The following WDR35 variants were observed in gnomAD, a reference collection of about 807,000 sequenced individuals.
WDR35 encodes WD repeat-containing protein 35.
A neutral mutation model predicts 158.3 loss-of-function variants in WDR35; 118 were observed. That is an observed-to-expected ratio of 0.75 (90% CI 0.64 to 0.87). The LOEUF (loss-of-function observed/expected upper bound fraction) is 0.87, where lower values mean the gene tolerates loss of function less well. Among genes scored for constraint, WDR35 ranks in the 40% least tolerant of loss-of-function variants. The probability of loss-of-function intolerance (pLI) is 0.00; values close to 1 mark genes in which losing one functional copy is unlikely to be tolerated. For synonymous variants in WDR35, 448 were observed against 476.1 expected (o/e 0.94, Z 0.77); for missense variants, 1,263 against 1,405.8 (o/e 0.90, Z 1.62).
intron 5 of WDR35, among the ~76,000 whole-genome samples, chr2:19,977,230 T>G (rs543890620): frequency 6.6e-6 from 1 of 152,336 alleles, no homozygotes; most frequent in African/African-American, 2.4e-5. Flanking sequence ...TTCCCAAAAT[T>G]TTGTGTTCAG....
intron 23 of WDR35, among the ~76,000 whole-genome samples, chr2:19,931,686 TAAAG>T (rs1344854674): frequency 6.6e-6 from 1 of 152,118 alleles, no homozygotes. Context: ...TAAATCAGAA[TAAAG>T]AAAGTATTGA....
Position 19,913,412 on chromosome 2 carries a change from C to T in WDR35, c.*146G>A. 2.1e-6 allele frequency: 2 copies of T among 964,814 alleles called. No individual in the cohort carries two copies. Among genetic ancestry groups the T allele is most frequent in the Non-Finnish European group, 1.5e-6 (1 of 659,082 alleles). 59.8% of individuals were successfully genotyped at this position (964,814 alleles called of 1,614,324 possible). On this transcript the variant is annotated 3_prime_UTR_variant, in exon 27 of 27. Transcript: ENST00000281405. ...ATTGCCATAAAAATTATTTTATTAA[C>T]ATATATTTTGTGCAAAAATTCAACT...
intron 15 of WDR35, 121 bp downstream of exon 15, chr2:19,946,340 G>T: frequency 1.1e-6 from 1 of 896,172 alleles, no homozygotes. Flanking sequence ...AAACCATACT[G>T]AATTTTAAGA....
rs775291530 is a variant in WDR35, at chr2:19,953,896, T to G, written c.1338A>C (p.Ala446=). ...EAFYTWQYRV[A]KKLTALEINQ... is the part of the protein sequence containing the mutation. ...TAATTTCCAATGCTGTGAGCTTCTT[T>G]GCCACACGATATTGCCAGGTATAAA... Residue 446 remains alanine (A), a synonymous_variant, in exon 12 of 27, where the codon GCA becomes GCC. Transcript: ENST00000281405. The G allele has an allele frequency of 6.2e-7, 1 of 1,614,154 alleles. No homozygotes were observed. The highest frequency in any genetic ancestry group is 8.5e-7 in the Non-Finnish European group (1 of 1,180,010).
rs528067796 is a variant in WDR35, at chr2:19,982,934, A to G, written c.143-400T>C. Among the ~76,000 whole-genome samples, 37 of 152,336 alleles carry G rather than the reference A, an allele frequency of 2.4e-4. 1 individual carries two copies. The South Asian group carries it at 7.7e-3, about 32-fold the overall frequency. ...GAATCTTATATTCACTCATTTATTC[A>G]TTCATTTAACAAATATTTATGAAAT... On this transcript the variant is annotated intron_variant, in intron 2 of 26. Transcript: ENST00000281405.
intron 15 of WDR35, among the ~76,000 whole-genome samples, 183 bp downstream of exon 15, chr2:19,946,278 G>A (rs1050125320): frequency 6.6e-6 from 1 of 152,108 alleles, no homozygotes; most frequent in Non-Finnish European, 1.5e-5. Flanking sequence ...AATTATACTA[G>A]TACTTCCACA....
chr2:19,933,505 C>T lies in WDR35; in HGVS notation c.2554G>A (p.Ala852Thr), dbSNP rs754867314. 1 of 1,613,086 alleles carries T rather than the reference C, an allele frequency of 6.2e-7. No individual in the cohort carries two copies. The highest frequency in any genetic ancestry group is 1.7e-5 in the Admixed American group (1 of 59,972). The change falls in exon 22 of 27, where the codon GCA becomes ACA. Residue 852 changes from alanine to threonine, a missense_variant. Coordinates refer to ENST00000281405, the MANE Select transcript of WDR35 (RefSeq NM_020779.4). ...PENHKLLPEI[A>T]QMFVRVGMCE... ...ATTCCAACTCTGACAAACATTTGTG[C>T]TATTTCCTGTACAAACAAAACAATA...
chr2:19,946,610 C>T (rs769061214), intron 14 of WDR35, 40 bp from the exon 15 acceptor site: 1 of 1,546,720 alleles, frequency 6.5e-7, no homozygotes, highest in East Asian at 2.3e-5. Context: ...ATACGTGTAT[C>T]ATAATAATAT....
chr2:19,959,898 G>T (rs536547119), intron 11 of WDR35, among the ~76,000 whole-genome samples: 2 of 152,046 alleles, frequency 1.3e-5, no homozygotes, highest in East Asian at 3.9e-4. Flanking sequence ...CAGTGAAATG[G>T]CAACAAAATA....
At chr2:19,917,633 G>A (rs1670030521) in intron 25 of WDR35, among the ~76,000 whole-genome samples, 1 of 152,182 alleles carries the variant, frequency 6.6e-6, no homozygotes, top group African/African-American at 2.4e-5. Flanking sequence ...TCATGCAGAA[G>A]AAAGGATATC....
At chr2:19,965,648 C>A (rs1215663544) in intron 10 of WDR35, among the ~76,000 whole-genome samples, 1 of 152,142 alleles carries the variant, frequency 6.6e-6, no homozygotes, top group East Asian at 1.9e-4. Context: ...GTTCCCCCAC[C>A]CTCAGCTCTG....
At chr2:19,917,657 C>T (rs769803731) in intron 25 of WDR35, among the ~76,000 whole-genome samples, 26 of 152,008 alleles carry the variant, frequency 1.7e-4, no homozygotes, top group Non-Finnish European at 3.1e-4. Context: ...CATTGAAGAT[C>T]AACTCAATGA....
intron 17 of WDR35, among the ~76,000 whole-genome samples, chr2:19,940,268 G>A (rs1467625865): frequency 6.6e-6 from 1 of 151,582 alleles, no homozygotes; most frequent in Non-Finnish European, 1.5e-5. Flanking sequence ...TCAGGAGGCT[G>A]AGATGGGAGG....
Position 19,941,855 on chromosome 2 carries a change from A to C in WDR35, c.1846-16T>G. 3 of 1,536,428 alleles carry C rather than the reference A, an allele frequency of 2.0e-6. No individual in the cohort carries two copies. Among genetic ancestry groups the C allele is most frequent in the Non-Finnish European group, 2.7e-6 (3 of 1,125,382 alleles). On this transcript the variant is annotated splice_polypyrimidine_tract_variant and intron_variant, in intron 16 of 26. Coordinates refer to ENST00000281405, the MANE Select transcript of WDR35 (RefSeq NM_020779.4). ...GAATGGGTTCCTTTAAAGACAAAAA[A>C]AAAGTTATGTTTCATTATGCAAAAT...
chr2:19,982,828 G>A (rs1011322413), intron 2 of WDR35, among the ~76,000 whole-genome samples: 2 of 151,806 alleles, frequency 1.3e-5, no homozygotes, highest in African/African-American at 4.8e-5. Context: ...AATATTTATG[G>A]CCTACAGATT....
At chr2:19,937,604 C>A in intron 19 of WDR35, 139 bp downstream of exon 19, 1 of 1,130,950 alleles carries the variant, frequency 8.8e-7, no homozygotes, top group Non-Finnish European at 1.3e-6. Context: ...TGTAGAATAT[C>A]TAGGTTGTAA....
At position 19,960,626 on chromosome 2, in the gene WDR35, TAAAAC is replaced by T. The variant is rs1356258394; in HGVS notation, c.1195-17_1195-13del. 1.9e-6 allele frequency: 3 copies of T among 1,597,058 alleles called. No individual in the cohort carries two copies. Among genetic ancestry groups the T allele is most frequent in the African/African-American group, 2.7e-5 (2 of 74,556 alleles). On this transcript the variant is annotated splice_polypyrimidine_tract_variant and intron_variant, in intron 10 of 26. Transcript: ENST00000281405. ...AGAACTAGTACAAACTGTGAACAAA[TAAAAC>T]AAAAAGTATCAGAACTCCTGCTTAT...
chr2:19,957,237 A>C (rs1558344534), intron 11 of WDR35, among the ~76,000 whole-genome samples: 1 of 152,244 alleles, frequency 6.6e-6, no homozygotes, highest in African/African-American at 2.4e-5. Flanking sequence ...CCTACATAGG[A>C]TTTTATAATA....
chr2:19,970,065 T>C (rs1349275759), intron 8 of WDR35, among the ~76,000 whole-genome samples: 1 of 152,136 alleles, frequency 6.6e-6, no homozygotes, highest in African/African-American at 2.4e-5. Flanking sequence ...TGAATTTTTA[T>C]AATGAAAAAC....
Sources: gnomAD v4.1 joint callset for allele counts (sites outside exome capture counted in the v4.1 genomes callset) on GRCh38, gnomAD v4.1.1 for gene constraint, MANE v1.5 for transcripts, NCBI Gene and HGNC (gene_info 2026-07-23, HGNC 2026-07-21) for gene names.